Variants in GRAMD1B observed in about 807,000 individuals in gnomAD.
The protein encoded by GRAMD1B is GRAM domain containing 1B.
GRAMD1B carries 37 observed loss-of-function variants against 99.7 expected under a neutral mutation model. That is an observed-to-expected ratio of 0.37 (90% CI 0.29 to 0.49). GRAMD1B has a LOEUF of 0.49. Ranked by LOEUF, GRAMD1B falls within the 20% of genes least tolerant of loss-of-function variation. The probability of loss-of-function intolerance (pLI) is 0.98; values close to 1 mark genes in which losing one functional copy is unlikely to be tolerated. For synonymous variants in GRAMD1B, 427 were observed against 387.6 expected, an observed-to-expected ratio of 1.10 and a Z score of -1.19; for missense variants, 888 against 1,009.2, an observed-to-expected ratio of 0.88 and a Z score of 1.63.
chr11:123,560,351 C>G, intron 2 of GRAMD1B: 1 of 1,168,258 alleles, frequency 8.6e-7, no homozygotes, highest in Non-Finnish European at 1.1e-6. Context: ...TAAGGCGGCA[C>G]GACCACACCA....
chr11:123,476,080 G>T (rs565587770), intron 1 of GRAMD1B, among the ~76,000 whole-genome samples: 1 of 151,532 alleles, frequency 6.6e-6, no homozygotes, highest in African/African-American at 2.4e-5. Context: ...GTGGAGGAGT[G>T]GTTGGCAGCA....
intron 2 of GRAMD1B, among the ~76,000 whole-genome samples, chr11:123,486,945 T>C (rs1937884376): frequency 6.6e-6 from 1 of 152,158 alleles, no homozygotes; most frequent in Non-Finnish European, 1.5e-5. Context: ...GGTGTGCGCC[T>C]GTAGTCCCAG....
chr11:123,404,273 T>C (rs1015069878), intron 1 of GRAMD1B, among the ~76,000 whole-genome samples: 10 of 152,010 alleles, frequency 6.6e-5, no homozygotes, highest in African/African-American at 1.9e-4. Flanking sequence ...ATCAATTCAC[T>C]AGATGTTGCA....
At chr11:123,456,669 C>G (rs117582289) in intron 1 of GRAMD1B, among the ~76,000 whole-genome samples, 6,626 of 152,052 alleles carry the variant, frequency 0.044, 413 homozygotes, top group East Asian at 0.13. Flanking sequence ...CCTATAATTC[C>G]AGCACTTTGG....
intron 17 of GRAMD1B, among the ~76,000 whole-genome samples, chr11:123,616,631 C>T (rs1307319040): frequency 5.9e-5 from 9 of 152,218 alleles, no homozygotes; most frequent in Non-Finnish European, 1.2e-4. Flanking sequence ...AAGTGTCTGC[C>T]GACAGCCTAC....
At chr11:123,582,862 C>A (rs1949530013) in intron 3 of GRAMD1B, among the ~76,000 whole-genome samples, 1 of 152,180 alleles carries the variant, frequency 6.6e-6, no homozygotes, top group African/African-American at 2.4e-5. Flanking sequence ...CGCTTTAACA[C>A]CAGGTGGAGG....
intron 1 of GRAMD1B, among the ~76,000 whole-genome samples, chr11:123,415,466 A>T (rs1377009093): frequency 6.6e-6 from 1 of 150,566 alleles, no homozygotes; most frequent in Non-Finnish European, 1.5e-5. Flanking sequence ...TCTTGTGGTG[A>T]CATTGCTATC....
chr11:123,525,265 C>G (rs139512585), intron 2 of GRAMD1B, among the ~76,000 whole-genome samples: 2 of 152,214 alleles, frequency 1.3e-5, no homozygotes, highest in African/African-American at 4.8e-5. Context: ...AGCACACTGC[C>G]TGGGAGCACG....
At chr11:123,511,449 A>C (rs1427799631) in intron 2 of GRAMD1B, among the ~76,000 whole-genome samples, 3 of 151,860 alleles carry the variant, frequency 2.0e-5, no homozygotes, top group African/African-American at 7.3e-5. Context: ...TAGCTTTCAA[A>C]TCTCTCCTGG....
intron 1 of GRAMD1B, among the ~76,000 whole-genome samples, chr11:123,398,293 A>T (rs1346653361): frequency 2.6e-5 from 4 of 152,226 alleles, no homozygotes; most frequent in African/African-American, 4.8e-5. Context: ...GGCACTGGTG[A>T]GGGCCTTCTT....
intron 1 of GRAMD1B, among the ~76,000 whole-genome samples, chr11:123,417,763 C>A (rs904483463): frequency 2.0e-5 from 3 of 152,062 alleles, no homozygotes; most frequent in African/African-American, 7.2e-5. Context: ...ATGGAGAAAC[C>A]CTGTCTGCAC....
chr11:123,400,401 C>T (rs528490494), intron 1 of GRAMD1B, among the ~76,000 whole-genome samples: 27 of 152,180 alleles, frequency 1.8e-4, no homozygotes, highest in Non-Finnish European at 2.2e-4. Flanking sequence ...CGCTTGAATC[C>T]GGGAGGCAGG....
At chr11:123,375,706 A>G (rs1301514366) in intron 1 of GRAMD1B, among the ~76,000 whole-genome samples, 6 of 152,224 alleles carry the variant, frequency 3.9e-5, no homozygotes, top group Non-Finnish European at 8.8e-5. Flanking sequence ...TGGAAAATAA[A>G]TAAGAAACAC....
chr11:123,442,281 T>G (rs1472157236), intron 1 of GRAMD1B, among the ~76,000 whole-genome samples: 3 of 152,176 alleles, frequency 2.0e-5, no homozygotes, highest in African/African-American at 7.2e-5. Flanking sequence ...ATCTGCATGT[T>G]GCATCTGAGA....
chr11:123,387,446 C>A (rs1039497392), intron 1 of GRAMD1B, among the ~76,000 whole-genome samples: 3 of 152,214 alleles, frequency 2.0e-5, no homozygotes, highest in Admixed American at 6.5e-5. Flanking sequence ...AAACAAAACT[C>A]CCCAAAGTCA....
In GRAMD1B at chr11:123,480,900, T is replaced by C. The variant is rs1053405087; in HGVS notation, c.452+7T>C. On this transcript the variant is annotated splice_region_variant and intron_variant, in intron 2 of 19. Coordinates refer to ENST00000635736, the MANE Select transcript of GRAMD1B (RefSeq NM_001387025.1). ...CTCGAGCGCGGGAAGAAAGGTAAGG[T>C]CCAACTCCGAGGGCGAGATGGGGGC... 7.7e-5 allele frequency: 29 copies of C among 375,632 alleles called. No homozygotes were observed. Among genetic ancestry groups the C allele is most frequent in the Non-Finnish European group, 1.3e-4 (28 of 214,508 alleles). The allele number at this position is 375,632 out of a possible 1,614,324, so 23.3% of individuals were successfully genotyped here.
At chr11:123,548,587 G>T (rs768213266) in intron 2 of GRAMD1B, among the ~76,000 whole-genome samples, 1 of 151,730 alleles carries the variant, frequency 6.6e-6, no homozygotes, top group South Asian at 2.1e-4. Flanking sequence ...AGCTGGATTC[G>T]ATGCTTGAAA....
chr11:123,546,269 A>T (rs1193170178), intron 2 of GRAMD1B, among the ~76,000 whole-genome samples: 2 of 152,132 alleles, frequency 1.3e-5, no homozygotes, highest in East Asian at 3.9e-4. Context: ...TGTAGCCAGG[A>T]GTATGTGGGA....
At chr11:123,606,945 G>A in intron 11 of GRAMD1B, 147 bp downstream of exon 11, 1 of 618,802 alleles carries the variant, frequency 1.6e-6, no homozygotes, top group Non-Finnish European at 2.8e-6. Context: ...CCTGTTATTA[G>A]TTTACATCCC....
Sources: gnomAD v4.1 joint callset for allele counts (sites outside exome capture counted in the v4.1 genomes callset) on GRCh38, gnomAD v4.1.1 for gene constraint, MANE v1.5 for transcripts, NCBI Gene and HGNC (gene_info 2026-07-23, HGNC 2026-07-21) for gene names.